Variants in MAML3 observed in about 807,000 individuals in gnomAD.
The protein encoded by MAML3 is mastermind-like protein 3.
Under a neutral mutation model 101.9 loss-of-function variants are expected in MAML3, and 27 were observed. The observed-to-expected ratio is 0.27, with a 90% CI of 0.20 to 0.37. MAML3 has a LOEUF of 0.37. MAML3 is among the 10% of genes least tolerant of loss of function. The probability of loss-of-function intolerance (pLI) is 1.00; values close to 1 mark genes in which losing one functional copy is unlikely to be tolerated. For missense variants in MAML3, 1,316 were observed against 1,444.9 expected (o/e 0.91, Z 1.45); for synonymous variants, 501 against 555.9 (o/e 0.90, Z 1.39).
chr4:139,821,535 G>A (rs1730973894), intron 2 of MAML3, among the ~76,000 whole-genome samples: 1 of 152,210 alleles, frequency 6.6e-6, no homozygotes, highest in Admixed American at 6.5e-5. Flanking sequence ...GGTCCCTGGT[G>A]CCAAAAAGGT....
At chr4:140,146,289 G>C (rs1460141751) in intron 1 of MAML3, among the ~76,000 whole-genome samples, 1 of 152,098 alleles carries the variant, frequency 6.6e-6, no homozygotes, top group East Asian at 1.9e-4. Context: ...GCCGAATGCT[G>C]TGCTTCTGTC....
chr4:139,805,114 G>A (rs951186122), intron 2 of MAML3, among the ~76,000 whole-genome samples: 2 of 152,188 alleles, frequency 1.3e-5, no homozygotes, highest in Admixed American at 1.3e-4. Context: ...TAACCGGGAG[G>A]CGGAGGTTGC....
chr4:140,025,151 A>C (rs1172085922), intron 1 of MAML3, among the ~76,000 whole-genome samples: 1 of 152,198 alleles, frequency 6.6e-6, no homozygotes, highest in Non-Finnish European at 1.5e-5. Context: ...ACACAAACCT[A>C]CTTGGAAAAG....
At position 139,834,638 on chromosome 4, in the gene MAML3, C is replaced by A. The variant is rs80321540; in HGVS notation, c.2079+54719G>T. 9.7e-3 allele frequency among the ~76,000 whole-genome samples: 1,473 copies of A among 152,342 alleles called. 25 individuals carry two copies. Among genetic ancestry groups the A allele is most frequent in the African/African-American group, 0.033 (1,382 of 41,582 alleles). On this transcript the variant is annotated intron_variant, in intron 2 of 4. Coordinates refer to ENST00000509479, the MANE Select transcript of MAML3 (RefSeq NM_018717.5). The stretch of plus-strand genomic sequence containing the variant: ...GATGGTTCCCTGGAGAATACCCTCC[C>A]TCACACACACCTGCCCAATCCTCAT...
intron 2 of MAML3, among the ~76,000 whole-genome samples, chr4:139,782,360 T>C (rs1366877641): frequency 6.6e-6 from 1 of 151,960 alleles, no homozygotes; most frequent in Non-Finnish European, 1.5e-5. Flanking sequence ...AAGATGGGGG[T>C]CTCACTATGT....
intron 1 of MAML3, among the ~76,000 whole-genome samples, chr4:140,040,486 CACA>C (rs1727064068): frequency 6.6e-6 from 1 of 152,228 alleles, no homozygotes; most frequent in Non-Finnish European, 1.5e-5. Flanking sequence ...CCCTCTCCTA[CACA>C]ACGTTTATAT....
At chr4:139,886,896 A>G (rs1732352327) in intron 2 of MAML3, among the ~76,000 whole-genome samples, 1 of 152,246 alleles carries the variant, frequency 6.6e-6, no homozygotes, top group South Asian at 2.1e-4. Flanking sequence ...GGCATTTTAT[A>G]CAAATGTTCC....
At chr4:139,924,230 G>A (rs528484882) in intron 1 of MAML3, among the ~76,000 whole-genome samples, 3 of 152,246 alleles carry the variant, frequency 2.0e-5, no homozygotes, top group African/African-American at 7.2e-5. Flanking sequence ...ATCACAGAAG[G>A]AAATTCTATT....
chr4:140,062,423 G>A (rs1727462098), intron 1 of MAML3, among the ~76,000 whole-genome samples: 1 of 152,036 alleles, frequency 6.6e-6, no homozygotes, highest in South Asian at 2.1e-4. Flanking sequence ...AGATATTCTT[G>A]GGGCAGGGCC....
At chr4:139,869,541 T>C (rs1301453936) in intron 2 of MAML3, among the ~76,000 whole-genome samples, 3 of 152,176 alleles carry the variant, frequency 2.0e-5, no homozygotes, top group Non-Finnish European at 4.4e-5. Flanking sequence ...TGCTAGAAAG[T>C]ACTAATTCTC....
chr4:139,819,970 T>C (rs1013474599), intron 2 of MAML3, among the ~76,000 whole-genome samples: 24 of 152,204 alleles, frequency 1.6e-4, no homozygotes, highest in African/African-American at 5.5e-4. Flanking sequence ...ATTCAGGCAA[T>C]GGTGCTGTAC....
At chr4:139,769,941 A>T (rs1729942820) in intron 2 of MAML3, among the ~76,000 whole-genome samples, 1 of 140,278 alleles carries the variant, frequency 7.1e-6, no homozygotes. Flanking sequence ...TTTTTTAAAG[A>T]CACAGTCTCC....
chr4:140,117,884 T>C (rs1728541030), intron 1 of MAML3, among the ~76,000 whole-genome samples: 1 of 152,112 alleles, frequency 6.6e-6, no homozygotes, highest in African/African-American at 2.4e-5. Flanking sequence ...ATAGTTCAGA[T>C]TAAGAAGGAA....
Position 140,153,441 on chromosome 4 carries a change from GCACA to G in MAML3, c.-118_-115del. The stretch of plus-strand genomic sequence containing the variant: ...TAAGTGGAACGCGGGGGAGACGCAA[GCACA>G]TGGATGGAAACGGCGATCCCGACGG... On this transcript the variant is annotated 5_prime_UTR_variant, in exon 1 of 5. It removes an upstream start codon present in the reference 5' UTR. Coordinates refer to ENST00000509479, the MANE Select transcript of MAML3 (RefSeq NM_018717.5). The G allele has an allele frequency of 8.9e-7, 1 of 1,129,642 alleles. No individual in the cohort carries two copies. The highest frequency in any genetic ancestry group is 2.0e-5 in the South Asian group (1 of 49,406). 70.0% of individuals were successfully genotyped at this position (1,129,642 alleles called of 1,614,324 possible).
intron 2 of MAML3, among the ~76,000 whole-genome samples, chr4:139,741,093 T>C (rs1190282372): frequency 6.6e-6 from 1 of 152,168 alleles, no homozygotes; most frequent in Non-Finnish European, 1.5e-5. Flanking sequence ...CCCCCATTCC[T>C]ATGAGTAGAA....
At chr4:139,905,373 T>C (rs1732802595) in intron 1 of MAML3, among the ~76,000 whole-genome samples, 1 of 151,198 alleles carries the variant, frequency 6.6e-6, no homozygotes, top group Non-Finnish European at 1.5e-5. Context: ...GCATCTGTAG[T>C]CCCAGCTACT....
chr4:140,133,997 T>G, intron 1 of MAML3: 2 of 375,806 alleles, frequency 5.3e-6, no homozygotes, highest in Non-Finnish European at 1.1e-5. Flanking sequence ...TTTCTCCAAC[T>G]TTCTTATTCC....
chr4:140,147,721 T>C (rs184382558), intron 1 of MAML3, among the ~76,000 whole-genome samples: 14 of 152,352 alleles, frequency 9.2e-5, no homozygotes, highest in Admixed American at 2.6e-4. Context: ...AGATGGGTAA[T>C]GTGGAAAAAG....
rs1210979997 is a variant in MAML3 at position 140,151,477 on chromosome 4, G to A, written c.468+1383C>T. Among the ~76,000 whole-genome samples, 3 of 152,216 alleles carry A rather than the reference G, an allele frequency of 2.0e-5. No individual in the cohort carries two copies. The East Asian group carries it at 5.8e-4, about 30-fold the overall frequency. On this transcript the variant is annotated intron_variant, in intron 1 of 4. Coordinates refer to ENST00000509479, the MANE Select transcript of MAML3 (RefSeq NM_018717.5). ...GCGCCGGCCCGAGCCCCCGGCGAAA[G>A]CCCACGGCAGCACTGGCACCACCCC...
Sources: gnomAD v4.1 joint callset for allele counts (sites outside exome capture counted in the v4.1 genomes callset) on GRCh38, gnomAD v4.1.1 for gene constraint, MANE v1.5 for transcripts, NCBI Gene and HGNC (gene_info 2026-07-23, HGNC 2026-07-21) for gene names.